Variants in SLCO3A1 observed in about 807,000 individuals in gnomAD.
SLCO3A1 encodes PGE1 transporter.
Under a neutral mutation model 63.1 loss-of-function variants are expected in SLCO3A1, and 27 were observed. The observed-to-expected ratio is 0.43, with a 90% CI of 0.32 to 0.59. SLCO3A1 has a LOEUF of 0.59. Ranked by LOEUF, SLCO3A1 falls within the 20% of genes least tolerant of loss-of-function variation. The pLI is 0.09. For synonymous variants in SLCO3A1, 473 were observed against 409.9 expected, an observed-to-expected ratio of 1.15 and a Z score of -1.86; for missense variants, 773 against 945.8, an observed-to-expected ratio of 0.82 and a Z score of 2.40.
chr15:91,984,898 G>T (rs1286252361), intron 2 of SLCO3A1, among the ~76,000 whole-genome samples: 1 of 152,032 alleles, frequency 6.6e-6, no homozygotes, highest in Non-Finnish European at 1.5e-5. Context: ...TGTTGTGTTT[G>T]TATTATTATC....
chr15:91,861,418 C>T (rs950832984), intron 1 of SLCO3A1, among the ~76,000 whole-genome samples: 7 of 152,134 alleles, frequency 4.6e-5, no homozygotes, highest in African/African-American at 1.7e-4. Flanking sequence ...AAAAGGGAAG[C>T]CCTTACTGAG....
In SLCO3A1 at chr15:92,163,639, G is replaced by C; in HGVS notation, c.*504G>C. 3 of 985,218 alleles carry C rather than the reference G, an allele frequency of 3.0e-6. No individual in the cohort carries two copies. The highest frequency in any genetic ancestry group is 3.6e-6 in the Non-Finnish European group (3 of 829,858). 61.0% of individuals were successfully genotyped at this position (985,218 alleles called of 1,614,324 possible). On this transcript the variant is annotated 3_prime_UTR_variant, in exon 10 of 10. Transcript: ENST00000318445. ...CCGTGCCACCCTCTTCCTCCAGGTG[G>C]GGGTGGGGGCGGGCGCACAAGTCGG...
intron 1 of SLCO3A1, among the ~76,000 whole-genome samples, chr15:91,881,225 G>A (rs73547388): frequency 0.013 from 2,038 of 152,192 alleles, 52 homozygotes; most frequent in African/African-American, 0.047. Flanking sequence ...TCTAGGACAG[G>A]AAGCAGAGGG....
At chr15:91,989,042 T>G (rs1457482347) in intron 2 of SLCO3A1, among the ~76,000 whole-genome samples, 2 of 152,222 alleles carry the variant, frequency 1.3e-5, no homozygotes, top group African/African-American at 4.8e-5. Context: ...CTCCGTAACC[T>G]GACTCTTCTT....
At position 91,854,643 on chromosome 15, in the gene SLCO3A1, C is replaced by T. The variant is rs1896866977; in HGVS notation, c.180+555C>T. On this transcript the variant is annotated intron_variant, in intron 1 of 9. Transcript: ENST00000318445. The surrounding 1 kb of genome is among the most constrained non-coding windows in gnomAD (Gnocchi z 6.4). Reference sequence around the variant, plus strand: ...GCCCTAGTGTGGCCCTGGCCTGAGCCGGGGCTGCAGGGGGAATATTGCCAC... The same window carrying T: ...GCCCTAGTGTGGCCCTGGCCTGAGCTGGGGCTGCAGGGGGAATATTGCCAC... Among the ~76,000 whole-genome samples the T allele has an allele frequency of 6.6e-6, 1 of 152,088 alleles. No individual in the cohort carries two copies. The highest frequency in any genetic ancestry group is 2.4e-5 in the African/African-American group (1 of 41,390).
chr15:92,003,943 C>T (rs1310268228), intron 2 of SLCO3A1, among the ~76,000 whole-genome samples: 3 of 152,198 alleles, frequency 2.0e-5, no homozygotes, highest in Non-Finnish European at 4.4e-5. Flanking sequence ...TCACACTGCT[C>T]AGCAGCTGTA....
rs563229918 is a variant in SLCO3A1 at position 92,104,271 on chromosome 15, A to G, written c.746-8A>G. The G allele has an allele frequency of 1.2e-5, 19 of 1,613,852 alleles. No homozygotes were observed. In the African/African-American group the frequency reaches 1.3e-4, roughly 11 times the overall value. ...TTCTCCACTAAGCTGTGCTCTTTCCATTTACAGGTAACCTGGACATCACTC... is the reference window on the plus strand; with the variant it reads ...TTCTCCACTAAGCTGTGCTCTTTCCGTTTACAGGTAACCTGGACATCACTC... On this transcript the variant is annotated splice_polypyrimidine_tract_variant and splice_region_variant and intron_variant, in intron 3 of 9. Coordinates refer to ENST00000318445, the MANE Select transcript of SLCO3A1 (RefSeq NM_013272.4).
chr15:91,950,508 C>T lies in SLCO3A1; in HGVS notation c.646+34050C>T, dbSNP rs940269630. Among the ~76,000 whole-genome samples the T allele has an allele frequency of 7.2e-5, 11 of 152,318 alleles. No individual in the cohort carries two copies. Among genetic ancestry groups the T allele is most frequent in the African/African-American group, 1.9e-4 (8 of 41,584 alleles). ...GGGGAACGTTGTGCAGTATGGCAGGCGCACCCCACATGGGTGTGTGATCCT... is the reference window on the plus strand; with the variant it reads ...GGGGAACGTTGTGCAGTATGGCAGGTGCACCCCACATGGGTGTGTGATCCT... On this transcript the variant is annotated intron_variant, in intron 2 of 9. Transcript: ENST00000318445. The surrounding 1 kb of genome is among the most constrained non-coding windows in gnomAD (Gnocchi z 4.4).
intron 2 of SLCO3A1, among the ~76,000 whole-genome samples, chr15:92,049,208 C>T (rs1428334443): frequency 2.0e-5 from 3 of 152,174 alleles, no homozygotes; most frequent in Non-Finnish European, 4.4e-5. Flanking sequence ...ACAGTGGCTT[C>T]TCCTCCTGGC....
intron 1 of SLCO3A1, among the ~76,000 whole-genome samples, chr15:91,903,063 C>T (rs557925809): frequency 5.3e-5 from 8 of 152,264 alleles, no homozygotes; most frequent in Admixed American, 5.2e-4. Context: ...GGGACTGTAT[C>T]TTACTTGGCA....
At chr15:91,931,872 C>G (rs527344671) in intron 2 of SLCO3A1, among the ~76,000 whole-genome samples, 1 of 152,088 alleles carries the variant, frequency 6.6e-6, no homozygotes, top group Admixed American at 6.5e-5. Flanking sequence ...ATTCATCACA[C>G]AAAAGCCAAG....
At chr15:91,935,174 G>A (rs1899366859) in intron 2 of SLCO3A1, among the ~76,000 whole-genome samples, 1 of 152,120 alleles carries the variant, frequency 6.6e-6, no homozygotes, top group Non-Finnish European at 1.5e-5. Flanking sequence ...GGATGGTCTC[G>A]ATCTCTTGAC....
At chr15:91,925,483 T>G (rs144397134) in intron 2 of SLCO3A1, among the ~76,000 whole-genome samples, 504 of 152,040 alleles carry the variant, frequency 3.3e-3, no homozygotes, top group African/African-American at 0.01. Context: ...TTGTTTTTTT[T>G]TTTTTTTTTT....
chr15:92,112,644 G>C (rs959447549), intron 4 of SLCO3A1, among the ~76,000 whole-genome samples: 5 of 152,226 alleles, frequency 3.3e-5, no homozygotes, highest in Admixed American at 6.5e-5. Context: ...ATCAGAGCTG[G>C]TCCTCCTGCA....
chr15:92,017,290 G>T (rs183260058), intron 2 of SLCO3A1, among the ~76,000 whole-genome samples: 19 of 152,116 alleles, frequency 1.2e-4, no homozygotes, highest in Admixed American at 1.3e-4. Context: ...GGGATTGGGG[G>T]GGGGTAGGGA....
chr15:91,961,440 C>G (rs562935204), intron 2 of SLCO3A1, among the ~76,000 whole-genome samples: 7 of 152,322 alleles, frequency 4.6e-5, no homozygotes, highest in African/African-American at 1.7e-4. Context: ...AAGAACAGCT[C>G]TCTGGTTCTA....
intron 1 of SLCO3A1, among the ~76,000 whole-genome samples, chr15:91,906,792 T>C (rs1898320986): frequency 6.6e-6 from 1 of 152,194 alleles, no homozygotes; most frequent in South Asian, 2.1e-4. Flanking sequence ...AAAGCTCCGA[T>C]CCTGAGTGGT....
At chr15:92,153,854 G>A (rs550341619) in intron 9 of SLCO3A1, among the ~76,000 whole-genome samples, 2 of 152,284 alleles carry the variant, frequency 1.3e-5, no homozygotes, top group African/African-American at 4.8e-5. Context: ...GCCCAGACTG[G>A]GGGGAAAGGG....
At chr15:91,874,142 A>G (rs1325913122) in intron 1 of SLCO3A1, among the ~76,000 whole-genome samples, 1 of 152,184 alleles carries the variant, frequency 6.6e-6, no homozygotes, top group Non-Finnish European at 1.5e-5. Context: ...TAGGCACAGT[A>G]AGATTAACAA....
Sources: gnomAD v4.1 joint callset for allele counts (sites outside exome capture counted in the v4.1 genomes callset) on GRCh38, gnomAD v4.1.1 for gene constraint, Gnocchi (gnomAD v3.1) non-coding constraint, MANE v1.5 for transcripts, NCBI Gene and HGNC (gene_info 2026-07-23, HGNC 2026-07-21) for gene names.